TMEM270: variants seen among roughly 807,000 people sequenced by gnomAD.
The protein encoded by TMEM270 is Williams-Beuren syndrome chromosome region 28.
A neutral mutation model predicts 29.9 loss-of-function variants in TMEM270; 30 were observed. The observed-to-expected ratio is 1.00, with a 90% CI of 0.75 to 1.36. The LOEUF (loss-of-function observed/expected upper bound fraction) is 1.36. Ranked by LOEUF, TMEM270 falls within the 40% of genes most tolerant of loss-of-function variation. The pLI is 0.00. For synonymous variants in TMEM270, 135 were observed against 139.8 expected (o/e 0.97, Z 0.24); for missense variants, 313 against 307.1 (o/e 1.02, Z -0.14).
At chr7:73,863,391 T>G (rs1445654436) in intron 1 of TMEM270, among the ~76,000 whole-genome samples, 1 of 147,152 alleles carries the variant, frequency 6.8e-6, no homozygotes, top group Non-Finnish European at 1.5e-5. Flanking sequence ...AATCTGGAAT[T>G]CTTTTTTTTT....
At chr7:73,863,861 C>T (rs1207646135) in intron 1 of TMEM270, among the ~76,000 whole-genome samples, 1 of 152,134 alleles carries the variant, frequency 6.6e-6, no homozygotes, top group East Asian at 1.9e-4. Context: ...AGGCAAAGCC[C>T]AGCTACTTGG....
intron 1 of TMEM270, among the ~76,000 whole-genome samples, chr7:73,864,663 G>T (rs1374509520): frequency 6.6e-6 from 1 of 151,754 alleles, no homozygotes. Context: ...AGCACTTTGG[G>T]AGGCTGAGGC....
At position 73,861,244 on chromosome 7, in the gene TMEM270, A is replaced by G; in HGVS notation, c.50A>G (p.Gln17Arg). 1 of 1,498,756 alleles carries G rather than the reference A, an allele frequency of 6.7e-7. No homozygotes were observed. Among genetic ancestry groups the G allele is most frequent in the Non-Finnish European group, 9.0e-7 (1 of 1,107,954 alleles). 92.8% of individuals were successfully genotyped at this position (1,498,756 alleles called of 1,614,324 possible). Residue 17 changes from glutamine (Q) to arginine (R), a missense_variant, in exon 1 of 3, where the codon CAG becomes CGG. Gln to Arg is a conservative substitution (Grantham distance 43). Transcript: ENST00000320531. ...VRSSLLGILL[Q>R]VTRLSVLLVQ... The stretch of plus-strand genomic sequence containing the variant: ...TCCAGCCTTTTGGGGATCCTGTTGC[A>G]GGTTACGAGGCTCTCAGTGCTGGTG...
Position 73,865,216 on chromosome 7 carries a change from G to C in TMEM270, c.296G>C (p.Trp99Ser). 6.2e-7 allele frequency: 1 copy of C among 1,613,792 alleles called. No individual in the cohort carries two copies. The highest frequency in any genetic ancestry group is 1.1e-5 in the South Asian group (1 of 91,084). The change falls in exon 2 of 3, where the codon TGG (tryptophan) becomes TCG (serine). Residue 99 changes from tryptophan (W) to serine (S), a missense_variant. Physicochemically the swap from Trp to Ser is radical, Grantham distance 177. Transcript: ENST00000320531. Reference sequence around the variant, plus strand: ...GTGCTACAGGGACCCAGGCTGATGTGGGCTGGCATGTGGGGCAGCACCAAG... The same window carrying C: ...GTGCTACAGGGACCCAGGCTGATGTCGGCTGGCATGTGGGGCAGCACCAAG... ...WLVLQGPRLMWAGMWGSTKGL... is the reference protein window; with the variant it reads ...WLVLQGPRLMSAGMWGSTKGL...
intron 1 of TMEM270, among the ~76,000 whole-genome samples, chr7:73,863,865 T>C (rs548923773): frequency 6.6e-6 from 1 of 152,256 alleles, no homozygotes; most frequent in Admixed American, 6.5e-5. Context: ...AAAGCCCAGC[T>C]ACTTGGAAGA....
At chr7:73,861,047 T>G, upstream of TMEM270, 1 of 746,150 alleles carries the variant, frequency 1.3e-6, no homozygotes, top group South Asian at 1.5e-5. Flanking sequence ...GACTGAGGTT[T>G]CAGAGGAAGC....
chr7:73,861,016 G>A, upstream of TMEM270: 1 of 637,552 alleles, frequency 1.6e-6, no homozygotes, highest in Non-Finnish European at 2.8e-6. Context: ...GACCTCCTTG[G>A]CCGTGTTGGG....
Position 73,861,276 on chromosome 7 carries a change from G to A in TMEM270, c.72+10G>A, listed in dbSNP as rs368234206. 1.9e-5 allele frequency: 31 copies of A among 1,600,002 alleles called. No individual in the cohort carries two copies. Among genetic ancestry groups the A allele is most frequent in the Admixed American group, 5.0e-5 (3 of 59,946 alleles). ...GAGGCTCTCAGTGCTGGTGAGTGGG[G>A]GCTGGGGGTAAGTGGGGTGGGGACC... On this transcript the variant is annotated intron_variant, in intron 1 of 2. Transcript: ENST00000320531.
In TMEM270 at chr7:73,861,167, C is replaced by T. The variant is rs1554639164; in HGVS notation, c.-28C>T. 9 of 1,612,332 alleles carry T rather than the reference C, an allele frequency of 5.6e-6. No homozygotes were observed. The highest frequency in any genetic ancestry group is 7.6e-6 in the Non-Finnish European group (9 of 1,178,558). ...ATCTGTGAGGTCACCCTGCTTCTCC[C>T]AGCTGGAGTAGGTGGGGGAGGCCAG... On this transcript the variant is annotated 5_prime_UTR_variant, in exon 1 of 3. Transcript: ENST00000320531.
intron 1 of TMEM270, 38 bp from the exon 2 acceptor site, chr7:73,864,955 A>G: frequency 7.0e-7 from 1 of 1,427,376 alleles, no homozygotes; most frequent in Non-Finnish European, 9.2e-7. Context: ...CAGGAGGGTG[A>G]TGATGGCTGA....
chr7:73,864,244 A>G (rs1554639631), intron 1 of TMEM270, among the ~76,000 whole-genome samples: 1 of 150,262 alleles, frequency 6.7e-6, no homozygotes. Context: ...GCATAATAAG[A>G]AGACTCCATT....
rs1554639797 is a variant in TMEM270, at chr7:73,865,255, C to T, written c.335C>T (p.Ala112Val). ...MWGSTKGLGL[A>V]LLSAWEQLGL... ...GGCAGCACCAAGGGCCTGGGCCTGG[C>T]CTTGCTCAGTGCCTGGGAGCAGCTG... is the stretch of plus-strand genomic sequence containing the variant. The change falls in exon 2 of 3, where the codon GCC becomes GTC. Residue 112 changes from alanine to valine, a missense_variant. Coordinates refer to ENST00000320531, the MANE Select transcript of TMEM270 (RefSeq NM_182504.4). 6.2e-7 allele frequency: 1 copy of T among 1,613,436 alleles called. No individual in the cohort carries two copies. The highest frequency in any genetic ancestry group is 8.5e-7 in the Non-Finnish European group (1 of 1,180,038).
chr7:73,864,857 A>G, intron 1 of TMEM270, 136 bp from the exon 2 acceptor site: 1 of 740,208 alleles, frequency 1.4e-6, no homozygotes, highest in Non-Finnish European at 2.0e-6. Context: ...GAGCCGAGAT[A>G]GCGCCATTGC....
chr7:73,862,662 ACCAG>A (rs1223642635), intron 1 of TMEM270, among the ~76,000 whole-genome samples: 33 of 151,834 alleles, frequency 2.2e-4, no homozygotes, highest in African/African-American at 7.7e-4. Flanking sequence ...GGAGTTCCAG[ACCAG>A]CCTGACTAAC....
rs781822454 is a variant in TMEM270, at chr7:73,861,225, CT to C, written c.35del (p.Leu12TrpfsTer72). ...GGCCCTTCCTCCAGTCAGATCCAGC[CT>C]TTTGGGGATCCTGTTGCAGGTTACG... MEALPPVRSS[L>X]LGILLQVTRL... On this transcript the variant is annotated frameshift_variant, in exon 1 of 3. Coordinates refer to ENST00000320531, the MANE Select transcript of TMEM270 (RefSeq NM_182504.4). LOFTEE classifies it high-confidence loss of function. 1 of 1,608,314 alleles carries C rather than the reference CT, an allele frequency of 6.2e-7. No individual in the cohort carries two copies. Among genetic ancestry groups the C allele is most frequent in the East Asian group, 2.3e-5 (1 of 44,412 alleles).
At chr7:73,861,034 G>A (rs1321576801), upstream of TMEM270, 8 of 697,634 alleles carry the variant, frequency 1.1e-5, no homozygotes, top group Admixed American at 4.2e-5. Flanking sequence ...GGGCTCAGAC[G>A]TGGACTGAGG....
Position 73,865,080 on chromosome 7 carries a change from GCCCGGGGGT to G in TMEM270, c.163_171del (p.Arg55_Ser57del), listed in dbSNP as rs1788871525. The G allele has an allele frequency of 6.4e-7, 1 of 1,553,220 alleles. No individual in the cohort carries two copies. The highest frequency in any genetic ancestry group is 2.0e-5 in the Admixed American group (1 of 50,920). On this transcript the variant is annotated inframe_deletion, in exon 2 of 3. Transcript: ENST00000320531. ...CTGGGTGTCAGGGCTGGCCCAGGAG[GCCCGGGGGT>G]CCTGTAACTGGCAGGCCCACCTACC...
At chr7:73,861,059 G>A, upstream of TMEM270, 1 of 801,736 alleles carries the variant, frequency 1.2e-6, no homozygotes, top group Non-Finnish European at 2.2e-6. Context: ...AGAGGAAGCA[G>A]TGGAGCGGCA....
chr7:73,865,301 G>A lies in TMEM270; in HGVS notation c.381G>A (p.Trp127Ter), dbSNP rs1015370080. ...WEQLGLSVAIWTDLFLSCLHG... is the reference protein window; with the variant it reads ...WEQLGLSVAI ...AGCTGGGCCTGTCTGTGGCCATCTGGACAGATCTGTTTTTGTCATGTCTGC... is the reference window on the plus strand; with the variant it reads ...AGCTGGGCCTGTCTGTGGCCATCTGAACAGATCTGTTTTTGTCATGTCTGC... The change falls in exon 2 of 3, where the codon TGG (tryptophan) becomes TGA (stop). Residue 127 changes from tryptophan (W) to a stop codon, truncating the protein, a stop_gained. Transcript: ENST00000320531. LOFTEE classifies it high-confidence loss of function. 2 of 1,613,392 alleles carry A rather than the reference G, an allele frequency of 1.2e-6. No homozygotes were observed. The highest frequency in any genetic ancestry group is 4.5e-5 in the East Asian group (2 of 44,882).
Sources: gnomAD v4.1 joint callset for allele counts (sites outside exome capture counted in the v4.1 genomes callset) on GRCh38, gnomAD v4.1.1 for gene constraint, MANE v1.5 for transcripts, NCBI Gene and HGNC (gene_info 2026-07-23, HGNC 2026-07-21) for gene names.